The following SNPH variants were observed in gnomAD, a reference collection of about 807,000 sequenced individuals.
SNPH encodes syntaphilin.
SNPH carries 10 observed loss-of-function variants against 36.8 expected under a neutral mutation model. The ratio of observed to expected loss-of-function variants is 0.27; its 90% confidence interval spans 0.17 to 0.46. SNPH has a LOEUF of 0.46. Ranked by LOEUF, SNPH falls within the 20% of genes least tolerant of loss-of-function variation. The pLI is 1.00. For missense variants in SNPH, 622 were observed against 744.0 expected, an observed-to-expected ratio of 0.84 and a Z score of 1.91; for synonymous variants, 281 against 312.2, an observed-to-expected ratio of 0.90 and a Z score of 1.05.
intron 5 of SNPH, among the ~76,000 whole-genome samples, chr20:1,299,925 A>T (rs1263162876): frequency 1.3e-5 from 2 of 152,182 alleles, no homozygotes; most frequent in East Asian, 3.9e-4. Context: ...ATATGGAGAC[A>T]GCTGTGCCTG....
Position 1,266,930 on chromosome 20 carries a change from C to G in SNPH, c.-493+170C>G, listed in dbSNP as rs926934750. On this transcript the variant is annotated intron_variant, in intron 2 of 6. Coordinates refer to ENST00000381867, the MANE Select transcript of SNPH (RefSeq NM_001318234.2). This position sits in a 1 kb window ranked among gnomAD's most constrained non-coding sequence, Gnocchi z 6.0. ...TCATTCCCCTACATCCCTTTAAGCG[C>G]TTCCCTCCCTCCCCCTCCCTGAAAT... is the stretch of plus-strand genomic sequence containing the variant. Among the ~76,000 whole-genome samples the G allele has an allele frequency of 1.4e-4, 21 of 152,166 alleles. No homozygotes were observed. The highest frequency in any genetic ancestry group is 4.6e-4 in the African/African-American group (19 of 41,436).
intron 2 of SNPH, among the ~76,000 whole-genome samples, chr20:1,275,170 G>C (rs2088117112): frequency 6.6e-6 from 1 of 152,164 alleles, no homozygotes; most frequent in Admixed American, 6.5e-5. Flanking sequence ...GCCAGGCCTG[G>C]CTCATTTCCA....
chr20:1,300,213 AT>A (rs2088488289), intron 5 of SNPH, among the ~76,000 whole-genome samples: 1 of 152,210 alleles, frequency 6.6e-6, no homozygotes, highest in African/African-American at 2.4e-5. Context: ...CCTCTAAAAG[AT>A]GAAGACAGTC....
chr20:1,292,087 T>C (rs982368718), intron 2 of SNPH, among the ~76,000 whole-genome samples: 1 of 152,224 alleles, frequency 6.6e-6, no homozygotes, highest in African/African-American at 2.4e-5. Context: ...TTTAAACCAT[T>C]GTATTACCAA....
Position 1,297,166 on chromosome 20 carries a change from C to G in SNPH, c.204C>G (p.Ser68Arg), listed in dbSNP as rs747359024. ...GSRRRTSPPV[S>R]VRDAYGTSSL... ...CCAGGCGCACCTCTCCACCTGTGAG[C>G]GTGCGGGATGCCTACGGCACCTCTT... The change falls in exon 5 of 7, where the codon AGC (serine) becomes AGG (arginine). Residue 68 changes from serine (S) to arginine (R), a missense_variant. Physicochemically the swap from Ser to Arg is moderately radical, Grantham distance 110. Coordinates refer to ENST00000381867, the MANE Select transcript of SNPH (RefSeq NM_001318234.2). 2 of 1,613,592 alleles carry G rather than the reference C, an allele frequency of 1.2e-6. No homozygotes were observed. Among genetic ancestry groups the G allele is most frequent in the Non-Finnish European group, 1.7e-6 (2 of 1,179,838 alleles).
rs1355941381 is a variant in SNPH, at chr20:1,305,957, G to C, written c.1520G>C (p.Gly507Ala). The C allele has an allele frequency of 6.4e-7, 1 of 1,567,758 alleles. No individual in the cohort carries two copies. The highest frequency in any genetic ancestry group is 1.2e-5 in the South Asian group (1 of 85,876). ...TACAACATCAGCTCCCTGCTGCGGGGCTGCTGCACTGTGGCCTTGCACTCC... is the reference window on the plus strand; with the variant it reads ...TACAACATCAGCTCCCTGCTGCGGGCCTGCTGCACTGTGGCCTTGCACTCC... ...PIYNISSLLRGCCTVALHSIR... is the reference protein window; with the variant it reads ...PIYNISSLLRACCTVALHSIR... The change falls in exon 7 of 7, where the codon GGC (glycine) becomes GCC (alanine). Residue 507 changes from glycine to alanine, a missense_variant. By Grantham distance (60) the Gly-to-Ala change is moderately conservative (BLOSUM62 0). Transcript: ENST00000381867.
At position 1,304,414 on chromosome 20, in the gene SNPH, G is replaced by C. The variant is rs567478702; in HGVS notation, c.441-464G>C. On this transcript the variant is annotated intron_variant, in intron 6 of 6. Transcript: ENST00000381867. This position sits in a 1 kb window ranked among gnomAD's most constrained non-coding sequence, Gnocchi z 4.3. Reference sequence around the variant, plus strand: ...AAACTTTCTGCAACCTGCTTTAGTAGGTAGTAGGAGGCTACATCACTTTCT... The same window carrying C: ...AAACTTTCTGCAACCTGCTTTAGTACGTAGTAGGAGGCTACATCACTTTCT... 6.6e-6 allele frequency among the ~76,000 whole-genome samples: 1 copy of C among 152,176 alleles called. No individual in the cohort carries two copies. Among genetic ancestry groups the C allele is most frequent in the Non-Finnish European group, 1.5e-5 (1 of 68,038 alleles).
chr20:1,306,033 G>A lies in SNPH; in HGVS notation c.1596G>A (p.Ala532=), dbSNP rs61747127. The A allele has an allele frequency of 1.4e-3, 2,014 of 1,480,248 alleles. 21 individuals are homozygous for A. The African/African-American group carries it at 0.024, about 18-fold the overall frequency. The allele number at this position is 1,480,248 out of a possible 1,614,324, so 91.7% of individuals were successfully genotyped here. ...RSLSQPSPSP[A]GGGSQL is the part of the protein sequence containing the mutation. ...TGAGCCAGCCGAGTCCCAGCCCAGC[G>A]GGCGGCGGCTCCCAGCTCTGAGGGG... The change falls in exon 7 of 7, where the codon GCG becomes GCA. Residue 532 remains alanine (A), a synonymous_variant. Coordinates refer to ENST00000381867, the MANE Select transcript of SNPH (RefSeq NM_001318234.2).
intron 2 of SNPH, among the ~76,000 whole-genome samples, chr20:1,278,228 G>A (rs1262303545): frequency 2.0e-5 from 3 of 151,644 alleles, no homozygotes; most frequent in African/African-American, 4.8e-5. Context: ...TTGTGTGTCA[G>A]TGTCTGTGTG....
At chr20:1,292,645 A>G (rs994106854) in intron 2 of SNPH, among the ~76,000 whole-genome samples, 1 of 152,180 alleles carries the variant, frequency 6.6e-6, no homozygotes, top group African/African-American at 2.4e-5. Context: ...AAGCACTTGC[A>G]TGGCTTCCTG....
rs568536581 is a variant in SNPH, at chr20:1,307,882, T to C, written c.*1828T>C. On this transcript the variant is annotated 3_prime_UTR_variant, in exon 7 of 7. Coordinates refer to ENST00000381867, the MANE Select transcript of SNPH (RefSeq NM_001318234.2). ...CTGGGGCTGCCCCCGCAGGACACTG[T>C]GGCCATGCCACGGAGGGGGCAGTGG... 8 of 152,626 alleles carry C rather than the reference T, an allele frequency of 5.2e-5. No homozygotes were observed. Among genetic ancestry groups the C allele is most frequent in the African/African-American group, 1.7e-4 (7 of 41,586 alleles). 9.5% of individuals were successfully genotyped at this position (152,626 alleles called of 1,614,324 possible).
At chr20:1,277,829 ATCTGTGTG>A (rs1161560566) in intron 2 of SNPH, among the ~76,000 whole-genome samples, 1 of 65,236 alleles carries the variant, frequency 1.5e-5, no homozygotes, top group Non-Finnish European at 3.1e-5. Flanking sequence ...GTGTCTGTGT[ATCTGTGTG>A]TGTCAGTGTG....
At position 1,305,247 on chromosome 20, in the gene SNPH, C is replaced by T. The variant is rs770353515; in HGVS notation, c.810C>T (p.Asp270=). The T allele has an allele frequency of 1.2e-5, 19 of 1,611,034 alleles. No homozygotes were observed. The highest frequency in any genetic ancestry group is 3.3e-4 in the Middle Eastern group (2 of 6,058). The change falls in exon 7 of 7, where the codon GAC becomes GAT. Residue 270 remains aspartate (D), a synonymous_variant. Coordinates refer to ENST00000381867, the MANE Select transcript of SNPH (RefSeq NM_001318234.2). Reference sequence around the variant, plus strand: ...TGAGTGACCCGGCTGTCTGTGGTGACCGCCAGCCGGGTGATCCCTCCAGCG... The same window carrying T: ...TGAGTGACCCGGCTGTCTGTGGTGATCGCCAGCCGGGTGATCCCTCCAGCG... The part of the protein sequence containing the change: ...TKLSDPAVCG[D]RQPGDPSSGS...
chr20:1,277,399 G>A (rs1358664574), intron 2 of SNPH, among the ~76,000 whole-genome samples: 1 of 151,930 alleles, frequency 6.6e-6, no homozygotes, highest in Non-Finnish European at 1.5e-5. Context: ...CTGTGTCTAT[G>A]TGTGTGTATG....
In SNPH at chr20:1,276,983, C is replaced by T. The variant is rs2088139580; in HGVS notation, c.-493+10223C>T. ...CTGTTTTGCACAGATAAAAGACAGA[C>T]TTCTGCTGGAGTTGTGAACTAATTG... On this transcript the variant is annotated intron_variant, in intron 2 of 6. Coordinates refer to ENST00000381867, the MANE Select transcript of SNPH (RefSeq NM_001318234.2). This position sits in a 1 kb window ranked among gnomAD's most constrained non-coding sequence, Gnocchi z 4.6. 6.6e-6 allele frequency among the ~76,000 whole-genome samples: 1 copy of T among 152,138 alleles called. No individual in the cohort carries two copies. Among genetic ancestry groups the T allele is most frequent in the African/African-American group, 2.4e-5 (1 of 41,404 alleles).
chr20:1,288,456 G>C (rs752740523), intron 2 of SNPH, among the ~76,000 whole-genome samples: 24 of 152,098 alleles, frequency 1.6e-4, no homozygotes, highest in Non-Finnish European at 3.2e-4. Context: ...TCAGTGGTGG[G>C]CTTGCACAGC....
Position 1,300,684 on chromosome 20 carries a change from A to G in SNPH, c.413A>G (p.Lys138Arg). ...ATCCGGCACCTGAAAGCCCGGCTGA[A>G]GGACACACAGGACCGGCTCCAGGAC... ...VCIRHLKARL[K>R]DTQDRLQDRD... The change falls in exon 6 of 7, where the codon AAG becomes AGG. Residue 138 changes from lysine to arginine, a missense_variant. Around this residue, in one of 3 missense-constraint regions of SNPH, gnomAD observed 187 missense variants for 209.4 expected, o/e 0.89. Transcript: ENST00000381867. 6.2e-7 allele frequency: 1 copy of G among 1,612,218 alleles called. No individual in the cohort carries two copies. Among genetic ancestry groups the G allele is most frequent in the Non-Finnish European group, 8.5e-7 (1 of 1,179,926 alleles).
At chr20:1,290,436 G>A (rs892513036) in intron 2 of SNPH, among the ~76,000 whole-genome samples, 1 of 152,192 alleles carries the variant, frequency 6.6e-6, no homozygotes, top group African/African-American at 2.4e-5. Flanking sequence ...ATGGAATCAT[G>A]CAATATGCGG....
Position 1,305,551 on chromosome 20 carries a change from A to G in SNPH, c.1114A>G (p.Ile372Val). 1 of 1,613,412 alleles carries G rather than the reference A, an allele frequency of 6.2e-7. No homozygotes were observed. The highest frequency in any genetic ancestry group is 8.5e-7 in the Non-Finnish European group (1 of 1,180,024). ...GCAGTACCAGCCTGACCTTGACACC[A>G]TCCTGGAGAAAGTGACCCAGGCCCA... ...FVQYQPDLDT[I>V]LEKVTQAQVC... is the part of the protein sequence containing the mutation. The change falls in exon 7 of 7, where the codon ATC becomes GTC. Residue 372 changes from isoleucine to valine, a missense_variant. Physicochemically the swap from Ile to Val is conservative, Grantham distance 29. Coordinates refer to ENST00000381867, the MANE Select transcript of SNPH (RefSeq NM_001318234.2).
Sources: allele counts gnomAD v4.1 joint callset (sites outside exome capture counted in the v4.1 genomes callset), GRCh38; gene constraint gnomAD v4.1.1; regional missense constraint gnomAD v4.1.1; non-coding constraint Gnocchi (gnomAD v3.1); transcripts MANE v1.5; gene names NCBI Gene and HGNC (gene_info 2026-07-23, HGNC 2026-07-21).